PIK3R2: variants seen among roughly 807,000 people sequenced by gnomAD.
PIK3R2 encodes phosphoinositide-3-kinase regulatory subunit 2, also known as phosphatidylinositol 3-kinase regulatory subunit beta.
Under a neutral mutation model 78.5 loss-of-function variants are expected in PIK3R2, and 40 were observed. That is an observed-to-expected ratio of 0.51 (90% confidence interval 0.40 to 0.66). PIK3R2 has a LOEUF of 0.66. Ranked by LOEUF, PIK3R2 falls within the 30% of genes least tolerant of loss-of-function variation. PIK3R2 has a pLI of 0.00. For synonymous variants in PIK3R2, 473 were observed against 457.7 expected (o/e 1.03, Z -0.43); for missense variants, 880 against 1,026.6 (o/e 0.86, Z 1.95).
At chr19:18,155,341 C>T (rs1445184151) in intron 1 of PIK3R2, 116 bp from the exon 2 acceptor site, 10 of 332,472 alleles carry the variant, frequency 3.0e-5, no homozygotes, top group African/African-American at 6.3e-5. Flanking sequence ...TGAGAGGGAC[C>T]GGCCCCAAGG....
At position 18,169,285 on chromosome 19, in the gene PIK3R2, C is replaced by T. The variant is rs746583177; in HGVS notation, c.2178C>T (p.Ala726=). 11 of 1,498,746 alleles carry T rather than the reference C, an allele frequency of 7.3e-6. 1 individual carries two copies. The South Asian group carries it at 7.5e-5, about 10-fold the overall frequency. 92.8% of individuals were successfully genotyped at this position (1,498,746 alleles called of 1,614,324 possible). A position where few individuals can be genotyped will look rare whatever the true frequency, so the allele number is the denominator to read the frequency against. Reference sequence around the variant, plus strand: ...CCCCGGGCCCCGGCCCGCCGCCTGCCGCCCGCTGAGCACCGAGGACCCGCC... The same window carrying T: ...CCCCGGGCCCCGGCCCGCCGCCTGCTGCCCGCTGAGCACCGAGGACCCGCC... ...VRAPGPGPPP[A]AR Residue 726 remains alanine (A), a synonymous_variant, in exon 16 of 16, where the codon GCC becomes GCT. Coordinates refer to ENST00000222254, the MANE Select transcript of PIK3R2 (RefSeq NM_005027.4).
chr19:18,168,652 C>A lies in PIK3R2; in HGVS notation c.1809-74C>A. ...GAGTTCACCAGGGAGGAAAAGTTGTCCAGGCAGCTGGGGAGCCTCGGAGGC... is the reference window on the plus strand; with the variant it reads ...GAGTTCACCAGGGAGGAAAAGTTGTACAGGCAGCTGGGGAGCCTCGGAGGC... On this transcript the variant is annotated intron_variant, in intron 14 of 15. Coordinates refer to ENST00000222254, the MANE Select transcript of PIK3R2 (RefSeq NM_005027.4). This position sits in a 1 kb window ranked among gnomAD's most constrained non-coding sequence, Gnocchi z 4.1. The A allele has an allele frequency of 7.7e-7, 1 of 1,306,880 alleles. No individual in the cohort carries two copies. The highest frequency in any genetic ancestry group is 1.1e-6 in the Non-Finnish European group (1 of 904,984). 81.0% of individuals were successfully genotyped at this position (1,306,880 alleles called of 1,614,324 possible). A position where few individuals can be genotyped will look rare whatever the true frequency, so the allele number is the denominator to read the frequency against.
At chr19:18,162,892 C>CA (rs796604194) in intron 9 of PIK3R2, 75 bp from the exon 10 acceptor site, 3,895 of 1,313,186 alleles carry the variant, frequency 3.0e-3, no homozygotes, top group Non-Finnish European at 3.4e-3. Flanking sequence ...GACTCTGTCT[C>CA]AAAAAAAAAG....
chr19:18,168,712 G>GCCCCCCCCCCC lies in PIK3R2; in HGVS notation c.1809-8_1809-7insCCCCCCCCCCC. 2.2e-6 allele frequency: 2 copies of GCCCCCCCCCCC among 905,472 alleles called. No homozygotes were observed. The highest frequency in any genetic ancestry group is 1.7e-6 in the Non-Finnish European group (1 of 583,840). 56.1% of individuals were successfully genotyped at this position (905,472 alleles called of 1,614,324 possible). On this transcript the variant is annotated splice_polypyrimidine_tract_variant and intron_variant, in intron 14 of 15. Coordinates refer to ENST00000222254, the MANE Select transcript of PIK3R2 (RefSeq NM_005027.4). The surrounding 1 kb of genome is among the most constrained non-coding windows in gnomAD (Gnocchi z 4.1). ...AGTGACCAGGGCCCTCCCCGCCACC[G>GCCCCCCCCCCC]CCCCCCACCCCAGCCAGTACGCACT...
At position 18,161,838 on chromosome 19, in the gene PIK3R2, C is replaced by T; in HGVS notation, c.816-128C>T. The T allele has an allele frequency of 1.4e-6, 1 of 725,278 alleles. No homozygotes were observed. The highest frequency in any genetic ancestry group is 1.6e-5 in the South Asian group (1 of 61,470). The allele number at this position is 725,278 out of a possible 1,614,324, so 44.9% of individuals were successfully genotyped here. On this transcript the variant is annotated intron_variant, in intron 6 of 15. Coordinates refer to ENST00000222254, the MANE Select transcript of PIK3R2 (RefSeq NM_005027.4). This position sits in a 1 kb window ranked among gnomAD's most constrained non-coding sequence, Gnocchi z 5.3. ...GGCCTCGCACATGTGCCTGTATCAT[C>T]TCCTCCTCCGCCCTGCACATACTGT...
At position 18,169,278 on chromosome 19, in the gene PIK3R2, C is replaced by T. The variant is rs1239460949; in HGVS notation, c.2171C>T (p.Pro724Leu). Residue 724 changes from proline (P) to leucine (L), a missense_variant, in exon 16 of 16, where the codon CCG becomes CTG. Transcript: ENST00000222254. ...HPVRAPGPGP[P>L]PAAR is the part of the protein sequence containing the mutation. Reference sequence around the variant, plus strand: ...GTGCGCGCCCCGGGCCCCGGCCCGCCGCCTGCCGCCCGCTGAGCACCGAGG... The same window carrying T: ...GTGCGCGCCCCGGGCCCCGGCCCGCTGCCTGCCGCCCGCTGAGCACCGAGG... 6 of 1,506,858 alleles carry T rather than the reference C, an allele frequency of 4.0e-6. No homozygotes were observed. Among genetic ancestry groups the T allele is most frequent in the East Asian group, 2.5e-5 (1 of 39,352 alleles). 93.3% of individuals were successfully genotyped at this position (1,506,858 alleles called of 1,614,324 possible).
intron 2 of PIK3R2, among the ~76,000 whole-genome samples, chr19:18,158,781 C>A (rs751692084): frequency 7.0e-4 from 107 of 152,316 alleles, no homozygotes; most frequent in Non-Finnish European, 9.4e-4. Flanking sequence ...GCAAAAATTA[C>A]CACCAACTAG....
intron 1 of PIK3R2, among the ~76,000 whole-genome samples, chr19:18,153,732 C>T (rs1747690144): frequency 6.6e-6 from 1 of 152,198 alleles, no homozygotes; most frequent in African/African-American, 2.4e-5. Context: ...CAGGCCCTGC[C>T]TTCACCCGCG....
intron 2 of PIK3R2, among the ~76,000 whole-genome samples, chr19:18,157,881 G>A (rs976820081): frequency 1.3e-5 from 2 of 152,250 alleles, no homozygotes; most frequent in East Asian, 1.9e-4. Context: ...CCAGAGCAGC[G>A]TCCAATGGTG....
At position 18,168,712 on chromosome 19, in the gene PIK3R2, G is replaced by T. The variant is rs1468672039; in HGVS notation, c.1809-14G>T. ...AGTGACCAGGGCCCTCCCCGCCACCGCCCCCCACCCCAGCCAGTACGCACT... is the reference window on the plus strand; with the variant it reads ...AGTGACCAGGGCCCTCCCCGCCACCTCCCCCCACCCCAGCCAGTACGCACT... On this transcript the variant is annotated splice_polypyrimidine_tract_variant and intron_variant, in intron 14 of 15. Coordinates refer to ENST00000222254, the MANE Select transcript of PIK3R2 (RefSeq NM_005027.4). The surrounding 1 kb of genome is among the most constrained non-coding windows in gnomAD (Gnocchi z 4.1). 45 of 905,346 alleles carry T rather than the reference G, an allele frequency of 5.0e-5. No homozygotes were observed. The highest frequency in any genetic ancestry group is 7.4e-5 in the Non-Finnish European group (43 of 583,852). 56.1% of individuals were successfully genotyped at this position (905,346 alleles called of 1,614,324 possible). A position where few individuals can be genotyped will look rare whatever the true frequency, so the allele number is the denominator to read the frequency against.
chr19:18,167,740 CTG>C lies in PIK3R2; in HGVS notation c.1736+436_1736+437del, dbSNP rs929293978. Among the ~76,000 whole-genome samples, 63 of 152,270 alleles carry C rather than the reference CTG, an allele frequency of 4.1e-4. No individual in the cohort carries two copies. Among genetic ancestry groups the C allele is most frequent in the African/African-American group, 1.5e-3 (62 of 41,546 alleles). On this transcript the variant is annotated intron_variant, in intron 13 of 15. Transcript: ENST00000222254. The surrounding 1 kb of genome is among the most constrained non-coding windows in gnomAD (Gnocchi z 4.5). ...CCCGGCCAGGCATGGTGGTGGGCGCCTGTAATCCCAGTTACTCAAGAGGCTGA... is the reference window on the plus strand; with the variant it reads ...CCCGGCCAGGCATGGTGGTGGGCGCCTAATCCCAGTTACTCAAGAGGCTGA...
chr19:18,162,362 G>A, intron 8 of PIK3R2, 46 bp from the exon 9 acceptor site: 1 of 1,597,800 alleles, frequency 6.3e-7, no homozygotes. Flanking sequence ...AGGGTGAGCG[G>A]GGTCTCCAGG....
In PIK3R2 at chr19:18,161,038, C is replaced by A. The variant is rs1311777183; in HGVS notation, c.467-16C>A. 1.2e-6 allele frequency: 2 copies of A among 1,611,164 alleles called. No individual in the cohort carries two copies. Among genetic ancestry groups the A allele is most frequent in the South Asian group, 1.1e-5 (1 of 90,606 alleles). ...CAGTACACATGAGTTGGACGTGTGCCCCCCTGCACCCGCAGACTGGTCCCT... is the reference window on the plus strand; with the variant it reads ...CAGTACACATGAGTTGGACGTGTGCACCCCTGCACCCGCAGACTGGTCCCT... On this transcript the variant is annotated splice_polypyrimidine_tract_variant and intron_variant, in intron 4 of 15. Coordinates refer to ENST00000222254, the MANE Select transcript of PIK3R2 (RefSeq NM_005027.4). The surrounding 1 kb of genome is among the most constrained non-coding windows in gnomAD (Gnocchi z 5.3).
rs1428066890 is a variant in PIK3R2 at position 18,161,475 on chromosome 19, G to A, written c.795G>A (p.Pro265=). 2.6e-6 allele frequency: 3 copies of A among 1,174,578 alleles called. No homozygotes were observed. Among genetic ancestry groups the A allele is most frequent in the Non-Finnish European group, 3.2e-6 (3 of 945,750 alleles). 72.8% of individuals were successfully genotyped at this position (1,174,578 alleles called of 1,614,324 possible). ...LRAPPPPSSP[P]PGGAPDGSEP... is the part of the protein sequence containing the mutation. ...CGCCGCCGCCGCCGTCCTCGCCGCCGCCAGGGGGCGCTCCCGACGGGTGAG... is the reference window on the plus strand; with the variant it reads ...CGCCGCCGCCGCCGTCCTCGCCGCCACCAGGGGGCGCTCCCGACGGGTGAG... Residue 265 remains proline, a synonymous_variant, in exon 6 of 16, where the codon CCG becomes CCA. Transcript: ENST00000222254. The surrounding 1 kb of genome is among the most constrained non-coding windows in gnomAD (Gnocchi z 5.3).
rs537740245 is a variant in PIK3R2 at position 18,162,622 on chromosome 19, A to C, written c.1109+116A>C. On this transcript the variant is annotated intron_variant, in intron 9 of 15. Transcript: ENST00000222254. Reference sequence around the variant, plus strand: ...TGGAGGGCCAGGCACGGTGGCTTACACCTGTAATCCCAGCACTTTGGGAGG... The same window carrying C: ...TGGAGGGCCAGGCACGGTGGCTTACCCCTGTAATCCCAGCACTTTGGGAGG... 1.7e-4 allele frequency: 142 copies of C among 848,594 alleles called. 1 individual carries two copies. Among genetic ancestry groups the C allele is most frequent in the Admixed American group, 1.1e-3 (50 of 45,310 alleles). 52.6% of individuals were successfully genotyped at this position (848,594 alleles called of 1,614,324 possible).
At position 18,168,994 on chromosome 19, in the gene PIK3R2, G is replaced by T. The variant is rs1599990749; in HGVS notation, c.1980-93G>T. On this transcript the variant is annotated intron_variant, in intron 15 of 15. Coordinates refer to ENST00000222254, the MANE Select transcript of PIK3R2 (RefSeq NM_005027.4). The surrounding 1 kb of genome is among the most constrained non-coding windows in gnomAD (Gnocchi z 4.1). ...GCCTTGGGAAGGAGTCCCTGGTGGG[G>T]TCATCCGGGACAGGGGAGCACGCGG... is the stretch of plus-strand genomic sequence containing the variant. 1 of 1,553,282 alleles carries T rather than the reference G, an allele frequency of 6.4e-7. No individual in the cohort carries two copies. Among genetic ancestry groups the T allele is most frequent in the East Asian group, 2.3e-5 (1 of 43,546 alleles).
intron 2 of PIK3R2, among the ~76,000 whole-genome samples, chr19:18,159,383 G>T (rs1487393992): frequency 6.6e-6 from 1 of 151,714 alleles, no homozygotes; most frequent in African/African-American, 2.4e-5. Flanking sequence ...GCAGCTTCTG[G>T]TGCCTCCAGG....
At chr19:18,154,237 G>T (rs1474174329) in intron 1 of PIK3R2, among the ~76,000 whole-genome samples, 5 of 152,072 alleles carry the variant, frequency 3.3e-5, no homozygotes, top group Non-Finnish European at 5.9e-5. Context: ...GGGCTAGGCT[G>T]GGAATGTGTG....
chr19:18,162,285 G>T lies in PIK3R2; in HGVS notation c.985G>T (p.Glu329Ter). The T allele has an allele frequency of 6.2e-7, 1 of 1,609,832 alleles. No homozygotes were observed. The highest frequency in any genetic ancestry group is 8.5e-7 in the Non-Finnish European group (1 of 1,176,758). The change falls in exon 8 of 16, where the codon GAG (glutamate) becomes TAG (stop). Residue 329 changes from glutamate to a stop codon, truncating the protein, a stop_gained. Coordinates refer to ENST00000222254, the MANE Select transcript of PIK3R2 (RefSeq NM_005027.4). LOFTEE classifies it high-confidence loss of function. ...GAGCCCACCCTCCCTGCAGGATGCT[G>T]AGTGGTACTGGGGGGACATTTCAAG... is the stretch of plus-strand genomic sequence containing the variant. ...GGSPPSLQDAEWYWGDISREE... is the reference protein window; with the variant it reads ...GGSPPSLQDA
Sources: gnomAD v4.1 joint callset for allele counts (sites outside exome capture counted in the v4.1 genomes callset) on GRCh38, gnomAD v4.1.1 for gene constraint, Gnocchi (gnomAD v3.1) non-coding constraint, MANE v1.5 for transcripts, NCBI Gene and HGNC (gene_info 2026-07-23, HGNC 2026-07-21) for gene names.